Variants in NUBPL observed in about 807,000 individuals in gnomAD.
NUBPL encodes NUBP iron-sulfur cluster assembly factor, mitochondrial, also known as iron-sulfur cluster transfer protein NUBPL.
NUBPL carries 31 observed loss-of-function variants against 45.7 expected under a neutral mutation model. The observed-to-expected ratio is 0.68, with a 90% CI of 0.51 to 0.92. The LOEUF (loss-of-function observed/expected upper bound fraction) is 0.92. NUBPL is among the 40% of genes least tolerant of loss of function. The pLI, the probability that NUBPL is intolerant of heterozygous loss-of-function variation, is 0.00. For missense variants in NUBPL, 401 were observed against 398.7 expected, an observed-to-expected ratio of 1.01 and a Z score of -0.05; for synonymous variants, 144 against 140.9, an observed-to-expected ratio of 1.02 and a Z score of -0.15.
intron 6 of NUBPL, among the ~76,000 whole-genome samples, chr14:31,748,158 G>T (rs540354799): frequency 3.3e-5 from 5 of 152,298 alleles, no homozygotes; most frequent in African/African-American, 1.2e-4. Flanking sequence ...TGTGATCAGA[G>T]GAGATAGTAT....
intron 7 of NUBPL, among the ~76,000 whole-genome samples, chr14:31,800,459 A>C (rs2039565887): frequency 6.6e-6 from 1 of 152,188 alleles, no homozygotes; most frequent in South Asian, 2.1e-4. Flanking sequence ...ATATAACCTT[A>C]ATGAAAAAGT....
At chr14:31,609,431 T>A (rs1283465504) in intron 4 of NUBPL, among the ~76,000 whole-genome samples, 1 of 152,188 alleles carries the variant, frequency 6.6e-6, no homozygotes, top group East Asian at 1.9e-4. Context: ...ATAAAGCAAA[T>A]ATTATCAGAG....
intron 6 of NUBPL, among the ~76,000 whole-genome samples, chr14:31,690,091 GA>G (rs61028866): frequency 1.1e-4 from 17 of 148,500 alleles, no homozygotes; most frequent in African/African-American, 3.5e-4. Flanking sequence ...ACTCATTCTG[GA>G]AAAAAAAAAT....
chr14:31,774,317 C>T (rs957408345), intron 6 of NUBPL, among the ~76,000 whole-genome samples: 10 of 152,216 alleles, frequency 6.6e-5, no homozygotes, highest in Admixed American at 5.9e-4. Flanking sequence ...GAAACTGCTA[C>T]TCTGGAAACT....
intron 8 of NUBPL, among the ~76,000 whole-genome samples, chr14:31,836,010 A>C (rs2040275943): frequency 6.6e-6 from 1 of 152,218 alleles, no homozygotes; most frequent in African/African-American, 2.4e-5. Context: ...ATAGTAGCTT[A>C]AAAATCTTGC....
At chr14:31,772,734 A>G (rs1272049272) in intron 6 of NUBPL, among the ~76,000 whole-genome samples, 3 of 152,188 alleles carry the variant, frequency 2.0e-5, no homozygotes, top group African/African-American at 7.2e-5. Context: ...AAGGAGGACA[A>G]CTAAGAAAAA....
intron 6 of NUBPL, among the ~76,000 whole-genome samples, chr14:31,706,702 A>G (rs555417926): frequency 1.3e-5 from 2 of 152,310 alleles, no homozygotes; most frequent in Admixed American, 6.5e-5. Flanking sequence ...ACTGCTGCCA[A>G]AGAGTCTATT....
intron 6 of NUBPL, among the ~76,000 whole-genome samples, chr14:31,755,541 A>G (rs908344213): frequency 9.4e-5 from 14 of 149,662 alleles, no homozygotes; most frequent in Non-Finnish European, 1.3e-4. Context: ...TTTTTGATGG[A>G]GTTGTTTGTT....
intron 7 of NUBPL, among the ~76,000 whole-genome samples, chr14:31,825,644 C>CTCCTTTCCTT (rs60248483): frequency 0.51 from 74,861 of 146,628 alleles, 20,422 homozygotes; most frequent in African/African-American, 0.73. Flanking sequence ...TCCCCTCTTT[C>CTCCTTTCCTT]TCCTTTCCTT....
chr14:31,641,444 C>A (rs2139700773), intron 4 of NUBPL, among the ~76,000 whole-genome samples: 2 of 152,182 alleles, frequency 1.3e-5, no homozygotes, highest in African/African-American at 4.8e-5. Context: ...TCTTTCTAGG[C>A]CTGGCTTATT....
intron 6 of NUBPL, among the ~76,000 whole-genome samples, chr14:31,692,436 A>G (rs563111825): frequency 7.7e-4 from 117 of 152,352 alleles, no homozygotes; most frequent in African/African-American, 2.7e-3. Context: ...TTCAAAGGCT[A>G]CTGTGATGTC....
At chr14:31,640,346 G>T (rs8006201) in intron 4 of NUBPL, among the ~76,000 whole-genome samples, 1 of 151,992 alleles carries the variant, frequency 6.6e-6, no homozygotes, top group Non-Finnish European at 1.5e-5. Context: ...TGGCTCACGC[G>T]CCCAGCACTT....
intron 6 of NUBPL, among the ~76,000 whole-genome samples, chr14:31,676,936 T>G (rs565939514): frequency 4.9e-4 from 75 of 152,148 alleles, no homozygotes; most frequent in African/African-American, 1.7e-3. Context: ...ATCTTTTTTA[T>G]GCTTAGTGCT....
chr14:31,841,936 T>TG (rs2040380922), intron 8 of NUBPL, among the ~76,000 whole-genome samples: 1 of 127,050 alleles, frequency 7.9e-6, no homozygotes, highest in Non-Finnish European at 1.7e-5. Flanking sequence ...TTTTTTTTTT[T>TG]TTTTTTTTTT....
At chr14:31,638,123 CT>C (rs1242437444) in intron 4 of NUBPL, among the ~76,000 whole-genome samples, 1 of 151,570 alleles carries the variant, frequency 6.6e-6, no homozygotes, top group Non-Finnish European at 1.5e-5. Flanking sequence ...GAATTTGATC[CT>C]GTCATTATGA....
chr14:31,705,519 C>T (rs1483991493), intron 6 of NUBPL, among the ~76,000 whole-genome samples: 1 of 151,772 alleles, frequency 6.6e-6, no homozygotes. Context: ...AAACCTTTGG[C>T]TAGACACAGA....
At chr14:31,668,943 A>G (rs2036504852) in intron 4 of NUBPL, among the ~76,000 whole-genome samples, 1 of 151,664 alleles carries the variant, frequency 6.6e-6, no homozygotes, top group South Asian at 2.1e-4. Context: ...TGCCTTCTGC[A>G]TTGGTCTCGC....
intron 4 of NUBPL, among the ~76,000 whole-genome samples, chr14:31,646,247 C>T (rs1400762165): frequency 6.6e-6 from 1 of 152,040 alleles, no homozygotes; most frequent in Non-Finnish European, 1.5e-5. Context: ...AGTGCAGTGG[C>T]ATGATCTTGG....
chr14:31,645,521 T>C (rs182961136), intron 4 of NUBPL, among the ~76,000 whole-genome samples: 26 of 152,338 alleles, frequency 1.7e-4, no homozygotes, highest in African/African-American at 6.3e-4. Flanking sequence ...TCTTATTTTT[T>C]GGTTGACTTG....
Sources: allele counts gnomAD v4.1 joint callset (sites outside exome capture counted in the v4.1 genomes callset), GRCh38; gene constraint gnomAD v4.1.1; transcripts MANE v1.5; gene names NCBI Gene and HGNC (gene_info 2026-07-23, HGNC 2026-07-21).